Variants in SEL1L3 observed in about 807,000 individuals in gnomAD.
SEL1L3 encodes the protein protein sel-1 homolog 3.
Under a neutral mutation model 142.8 loss-of-function variants are expected in SEL1L3, and 76 were observed. That is an observed-to-expected ratio of 0.53 (90% confidence interval 0.44 to 0.64). SEL1L3 has a LOEUF of 0.64. SEL1L3 is among the 30% of genes least tolerant of loss of function. SEL1L3 has a pLI of 0.00. For missense variants in SEL1L3, 1,262 were observed against 1,381.7 expected (o/e 0.91, Z 1.37); for synonymous variants, 504 against 519.6 (o/e 0.97, Z 0.41).
chr4:25,835,556 C>T (rs1395258715), intron 2 of SEL1L3, among the ~76,000 whole-genome samples: 1 of 152,212 alleles, frequency 6.6e-6, no homozygotes, highest in Admixed American at 6.5e-5. Flanking sequence ...ATTATTAGTT[C>T]CATTCTACAG....
chr4:25,742,796 G>C (rs181747440), downstream of SEL1L3, among the ~76,000 whole-genome samples: 1 of 152,094 alleles, frequency 6.6e-6, no homozygotes. Context: ...TTGCAACTTT[G>C]TTGGATACTT....
chr4:25,831,510 A>AATAATTATTATT (rs1439018406), intron 5 of SEL1L3, among the ~76,000 whole-genome samples: 2 of 122,598 alleles, frequency 1.6e-5, no homozygotes, highest in East Asian at 4.9e-4. Flanking sequence ...TAATAATAAT[A>AATAATTATTATT]ATTATTATTA....
the SEL1L3 span, among the ~76,000 whole-genome samples, chr4:25,722,821 T>A: frequency 6.6e-6 from 1 of 152,112 alleles, no homozygotes; most frequent in South Asian, 2.1e-4. Context: ...AGGTTCAAGC[T>A]ATTCCACAGT....
intron 15 of SEL1L3, among the ~76,000 whole-genome samples, chr4:25,780,758 A>G (rs2109167789): frequency 1.4e-5 from 2 of 146,988 alleles, no homozygotes; most frequent in South Asian, 4.2e-4. Context: ...AATTATATAT[A>G]AACTATATAT....
At position 25,812,980 on chromosome 4, in the gene SEL1L3, C is replaced by T. The variant is rs371075989; in HGVS notation, c.1564+5158G>A. On this transcript the variant is annotated intron_variant, in intron 9 of 23. Transcript: ENST00000399878. ...GTGAGCCGAGATCTGCCACTGCACT[C>T]CAGCCTGGGCGACAGAGCCAGATTC... 2.6e-5 allele frequency among the ~76,000 whole-genome samples: 4 copies of T among 152,334 alleles called. No homozygotes were observed. The South Asian group carries it at 8.3e-4, about 32-fold the overall frequency.
chr4:25,816,826 G>C (rs1202665392), intron 9 of SEL1L3, among the ~76,000 whole-genome samples: 1 of 152,046 alleles, frequency 6.6e-6, no homozygotes, highest in African/African-American at 2.4e-5. Flanking sequence ...ACCTCTCAGG[G>C]TCTGCTCTGC....
intron 2 of SEL1L3, among the ~76,000 whole-genome samples, chr4:25,843,977 T>C (rs1487407339): frequency 6.6e-6 from 1 of 152,228 alleles, no homozygotes; most frequent in Non-Finnish European, 1.5e-5. Context: ...ACTCTTTTTA[T>C]ACATGAAAAG....
chr4:25,830,254 G>C, intron 5 of SEL1L3, 98 bp from the exon 6 acceptor site: 1 of 689,062 alleles, frequency 1.5e-6, no homozygotes, highest in African/African-American at 1.8e-5. Context: ...GTGTTGGAGA[G>C]TCTTTTACCT....
intron 11 of SEL1L3, among the ~76,000 whole-genome samples, 181 bp from the exon 12 acceptor site, chr4:25,790,755 G>C (rs1397750711): frequency 7.4e-6 from 1 of 134,540 alleles, no homozygotes; most frequent in Non-Finnish European, 1.6e-5. Flanking sequence ...AAGGAAGGAA[G>C]GAAGAAAGGA....
chr4:25,798,326 A>G (rs1439058668), intron 11 of SEL1L3, among the ~76,000 whole-genome samples: 1 of 152,242 alleles, frequency 6.6e-6, no homozygotes, highest in Non-Finnish European at 1.5e-5. Context: ...CCTGCTGAAC[A>G]GCAGGCTTAT....
intron 2 of SEL1L3, among the ~76,000 whole-genome samples, chr4:25,841,491 A>G (rs1716163777): frequency 6.6e-6 from 1 of 152,234 alleles, no homozygotes; most frequent in African/African-American, 2.4e-5. Flanking sequence ...TAGCTTCATG[A>G]CATCACCTGG....
chr4:25,801,229 C>G (rs1713162126), intron 11 of SEL1L3, among the ~76,000 whole-genome samples: 1 of 152,194 alleles, frequency 6.6e-6, no homozygotes, highest in African/African-American at 2.4e-5. Flanking sequence ...ATGGCGAAAC[C>G]CTGTCTCTAC....
intron 16 of SEL1L3, chr4:25,777,577 G>C (rs891445181): frequency 1.3e-4 from 40 of 297,652 alleles, no homozygotes; most frequent in Admixed American, 4.6e-5. Context: ...TACCAAAATT[G>C]ACCATATACC....
At chr4:25,778,936 G>A (rs930827202) in intron 16 of SEL1L3, 140 bp downstream of exon 16, 1 of 646,972 alleles carries the variant, frequency 1.5e-6, no homozygotes, top group Admixed American at 3.8e-5. Context: ...TTTTAATTTT[G>A]TCTTGTCAAA....
In SEL1L3 at chr4:25,847,844, A is replaced by G. The variant is rs1315376652; in HGVS notation, c.183T>C (p.Gly61=). 14 of 1,569,274 alleles carry G rather than the reference A, an allele frequency of 8.9e-6. No homozygotes were observed. The African/African-American group carries it at 1.1e-4, about 12-fold the overall frequency. ...LCYLNVVPSL[G]RQTSLTTSVI... ...CTGATGTCGTCAGGGAAGTCTGCCT[A>G]CCCAAAGATGGTACAACATTCTGAA... Residue 61 remains glycine, a synonymous_variant, in exon 2 of 24, where the codon GGT becomes GGC. Transcript: ENST00000399878.
intron 1 of SEL1L3, among the ~76,000 whole-genome samples, chr4:25,850,166 T>C (rs76870361): frequency 0.024 from 3,664 of 152,182 alleles, 151 homozygotes; most frequent in African/African-American, 0.084. Flanking sequence ...CTGGAGAACA[T>C]TGAGTCCCAG....
intron 3 of SEL1L3, among the ~76,000 whole-genome samples, chr4:25,833,796 A>G (rs148458891): frequency 7.0e-4 from 106 of 152,336 alleles, no homozygotes; most frequent in African/African-American, 2.3e-3. Flanking sequence ...AAACTAGCAG[A>G]CTTTCTACCT....
intron 15 of SEL1L3, 23 bp from the exon 16 acceptor site, chr4:25,779,226 A>G (rs1719839562): frequency 6.2e-7 from 1 of 1,610,858 alleles, no homozygotes; most frequent in East Asian, 2.2e-5. Flanking sequence ...ATGAACAAAC[A>G]TCGAGTCATC....
chr4:25,819,538 G>A (rs1026761453), intron 8 of SEL1L3, among the ~76,000 whole-genome samples: 3 of 152,180 alleles, frequency 2.0e-5, no homozygotes, highest in African/African-American at 7.2e-5. Flanking sequence ...CAAAACACTC[G>A]CTTTCATTTG....
Sources: allele counts gnomAD v4.1 joint callset (sites outside exome capture counted in the v4.1 genomes callset), GRCh38; gene constraint gnomAD v4.1.1; transcripts MANE v1.5; gene names NCBI Gene and HGNC (gene_info 2026-07-23, HGNC 2026-07-21).